Variants in ST6GALNAC3 observed in about 807,000 individuals in gnomAD.
ST6GALNAC3 encodes alpha-N-acetylgalactosaminide alpha-2,6-sialyltransferase 3.
A neutral mutation model predicts 32.7 loss-of-function variants in ST6GALNAC3; 25 were observed. That is an observed-to-expected ratio of 0.76 (90% CI 0.56 to 1.07). The LOEUF is 1.07. Among genes scored for constraint, ST6GALNAC3 ranks in the 50% least tolerant of loss-of-function variants. The pLI is 0.00. For synonymous variants in ST6GALNAC3, 129 were observed against 133.1 expected (o/e 0.97, Z 0.21); for missense variants, 355 against 382.4 (o/e 0.93, Z 0.60).
intron 3 of ST6GALNAC3, among the ~76,000 whole-genome samples, chr1:76,585,107 G>A (rs1042217395): frequency 6.6e-6 from 1 of 152,094 alleles, no homozygotes; most frequent in Non-Finnish European, 1.5e-5. Flanking sequence ...ATTCTTGGCC[G>A]GGCGCAGTGG....
chr1:76,379,364 C>T (rs1162054461), intron 2 of ST6GALNAC3, among the ~76,000 whole-genome samples: 1 of 152,168 alleles, frequency 6.6e-6, no homozygotes, highest in Non-Finnish European at 1.5e-5. Context: ...TCGCCTAAAT[C>T]TCCCACCATG....
chr1:76,382,631 G>C (rs558571807), intron 2 of ST6GALNAC3, among the ~76,000 whole-genome samples: 33 of 152,262 alleles, frequency 2.2e-4, no homozygotes, highest in African/African-American at 7.9e-4. Flanking sequence ...TTCTGGTGCT[G>C]GTCCCTGACA....
At chr1:76,624,723 C>T (rs184989271) in intron 3 of ST6GALNAC3, among the ~76,000 whole-genome samples, 11 of 152,018 alleles carry the variant, frequency 7.2e-5, no homozygotes, top group Admixed American at 5.9e-4. Context: ...GCCATTGCAA[C>T]ACCTTCCATG....
At position 76,614,718 on chromosome 1, in the gene ST6GALNAC3, C is replaced by CA. The variant is rs55744575; in HGVS notation, c.624-12698dup. On this transcript the variant is annotated intron_variant, in intron 3 of 4. Coordinates refer to ENST00000328299, the MANE Select transcript of ST6GALNAC3 (RefSeq NM_152996.4). ...TGGGTGACAGAGCGAGACTCCATCTCAAAAAAAAAAAAAAAAAAAAAAAAA... is the reference window on the plus strand; with the variant it reads ...TGGGTGACAGAGCGAGACTCCATCTCAAAAAAAAAAAAAAAAAAAAAAAAAA... Among the ~76,000 whole-genome samples, 441 of 67,498 alleles carry CA rather than the reference C, an allele frequency of 6.5e-3. 24 individuals carry two copies. The highest frequency in any genetic ancestry group is 9.1e-3 in the African/African-American group (133 of 14,686). The allele number at this position is 67,498 out of a possible 152,430, so 44.3% of individuals were successfully genotyped here.
At position 76,450,089 on chromosome 1, in the gene ST6GALNAC3, T is replaced by G. The variant is rs148435973; in HGVS notation, c.623+37672T>G. ...TGACTTCTTTTCCTCTGGGTACATA[T>G]CCAGCAGTGGGATTGCTGGATCAAA... On this transcript the variant is annotated intron_variant, in intron 3 of 4. Transcript: ENST00000328299. Among the ~76,000 whole-genome samples the G allele has an allele frequency of 5.1e-3, 779 of 152,286 alleles. 8 individuals are homozygous for G. The highest frequency in any genetic ancestry group is 0.017 in the African/African-American group (713 of 41,564).
intron 3 of ST6GALNAC3, among the ~76,000 whole-genome samples, chr1:76,538,233 G>A (rs1422838715): frequency 2.6e-5 from 4 of 152,052 alleles, no homozygotes; most frequent in Non-Finnish European, 4.4e-5. Flanking sequence ...ATCGATAAAC[G>A]TAATCCATCA....
rs375904186 is a variant in ST6GALNAC3 at position 76,155,765 on chromosome 1, C to A, written c.18+80881C>A. On this transcript the variant is annotated intron_variant, in intron 1 of 4. Coordinates refer to ENST00000328299, the MANE Select transcript of ST6GALNAC3 (RefSeq NM_152996.4). ...GTGCTGGGATTACAGGTGTGAGCCACCGCGCCCGGCCTCCTATTTTTAACA... is the reference window on the plus strand; with the variant it reads ...GTGCTGGGATTACAGGTGTGAGCCAACGCGCCCGGCCTCCTATTTTTAACA... 3.0e-4 allele frequency among the ~76,000 whole-genome samples: 45 copies of A among 152,162 alleles called. 3 individuals carry two copies. Among genetic ancestry groups the A allele is most frequent in the Admixed American group, 1.5e-3 (23 of 15,278 alleles).
At chr1:76,483,512 A>G (rs920318913) in intron 3 of ST6GALNAC3, among the ~76,000 whole-genome samples, 1 of 152,196 alleles carries the variant, frequency 6.6e-6, no homozygotes, top group Non-Finnish European at 1.5e-5. Context: ...TGTTGGCTGC[A>G]TAAGTGTCTT....
intron 2 of ST6GALNAC3, among the ~76,000 whole-genome samples, chr1:76,403,165 C>T (rs888253333): frequency 1.3e-5 from 2 of 152,072 alleles, no homozygotes; most frequent in African/African-American, 2.4e-5. Context: ...GTATGATTTT[C>T]CTTACCTCCA....
chr1:76,309,500 T>C (rs957132936), intron 1 of ST6GALNAC3, among the ~76,000 whole-genome samples: 3 of 152,110 alleles, frequency 2.0e-5, no homozygotes, highest in African/African-American at 4.8e-5. Flanking sequence ...ATGGTTTTCA[T>C]TGTAGTTGCT....
At position 76,630,484 on chromosome 1, in the gene ST6GALNAC3, C is replaced by G. The variant is rs994180438; in HGVS notation, c.*1678C>G. On this transcript the variant is annotated 3_prime_UTR_variant, in exon 5 of 5. Coordinates refer to ENST00000328299, the MANE Select transcript of ST6GALNAC3 (RefSeq NM_152996.4). ...CATTAAATAGTAAAGGGTTGATTTG[C>G]TGCAAGAGTAGCTGAGAATTCAAAA... 1.0e-5 allele frequency: 10 copies of G among 985,056 alleles called. No homozygotes were observed. Among genetic ancestry groups the G allele is most frequent in the Non-Finnish European group, 1.1e-5 (9 of 829,846 alleles). 61.0% of individuals were successfully genotyped at this position (985,056 alleles called of 1,614,324 possible).
intron 2 of ST6GALNAC3, among the ~76,000 whole-genome samples, chr1:76,315,517 C>A (rs1405437325): frequency 6.6e-6 from 1 of 152,038 alleles, no homozygotes; most frequent in Non-Finnish European, 1.5e-5. Flanking sequence ...ATTAACTGGG[C>A]TATCTTTGAA....
chr1:76,157,489 G>A lies in ST6GALNAC3; in HGVS notation c.18+82605G>A, dbSNP rs111540741. On this transcript the variant is annotated intron_variant, in intron 1 of 4. Transcript: ENST00000328299. ...CAACTAGAGTACAGTGCTTGTGTAC[G>A]GTTTATTTTGCCTTAGTTTTACAGA... is the stretch of plus-strand genomic sequence containing the variant. 2.7e-3 allele frequency among the ~76,000 whole-genome samples: 407 copies of A among 152,234 alleles called. 2 individuals carry two copies. Among genetic ancestry groups the A allele is most frequent in the African/African-American group, 9.4e-3 (389 of 41,544 alleles).
At position 76,494,550 on chromosome 1, in the gene ST6GALNAC3, A is replaced by AACACACAC. The variant is rs55892265; in HGVS notation, c.623+82160_623+82167dup. On this transcript the variant is annotated intron_variant, in intron 3 of 4. Transcript: ENST00000328299. ...CATGAAAATATATTTCATGTGTATA[A>AACACACAC]ACACACACACACACACACACACACA... Among the ~76,000 whole-genome samples, 350 of 63,836 alleles carry AACACACAC rather than the reference A, an allele frequency of 5.5e-3. 16 individuals are homozygous for AACACACAC. The highest frequency in any genetic ancestry group is 0.018 in the African/African-American group (320 of 17,758). 41.9% of individuals were successfully genotyped at this position (63,836 alleles called of 152,430 possible). A position where few individuals can be genotyped will look rare whatever the true frequency, so the allele number is the denominator to read the frequency against.
At chr1:76,581,435 A>G (rs1646890429) in intron 3 of ST6GALNAC3, among the ~76,000 whole-genome samples, 1 of 152,182 alleles carries the variant, frequency 6.6e-6, no homozygotes, top group Non-Finnish European at 1.5e-5. Context: ...CAAGGAAAGC[A>G]ATAACTTTGT....
chr1:76,275,579 T>G (rs897975454), intron 1 of ST6GALNAC3, among the ~76,000 whole-genome samples: 3 of 152,160 alleles, frequency 2.0e-5, no homozygotes, highest in Admixed American at 2.0e-4. Context: ...GGATGCTTCC[T>G]GGGCAATAAT....
chr1:76,402,761 A>T (rs1371494398), intron 2 of ST6GALNAC3, among the ~76,000 whole-genome samples: 1 of 152,170 alleles, frequency 6.6e-6, no homozygotes, highest in Non-Finnish European at 1.5e-5. Flanking sequence ...CCTTTTAGAA[A>T]TATAAGAGAA....
intron 3 of ST6GALNAC3, among the ~76,000 whole-genome samples, chr1:76,493,282 G>A (rs921000699): frequency 3.9e-5 from 6 of 152,112 alleles, no homozygotes; most frequent in African/African-American, 1.4e-4. Context: ...TGACTTACAG[G>A]CACACCAAGC....
chr1:76,153,498 G>C (rs1021730000), intron 1 of ST6GALNAC3, among the ~76,000 whole-genome samples: 1 of 152,150 alleles, frequency 6.6e-6, no homozygotes, highest in Non-Finnish European at 1.5e-5. Context: ...AATTACACCT[G>C]AGATGGAGTG....
Sources: gnomAD v4.1 joint callset for allele counts (sites outside exome capture counted in the v4.1 genomes callset) on GRCh38, gnomAD v4.1.1 for gene constraint, MANE v1.5 for transcripts, NCBI Gene and HGNC (gene_info 2026-07-23, HGNC 2026-07-21) for gene names.